ARK2N: variants seen among roughly 807,000 people sequenced by gnomAD.
ARK2N encodes protein ARK2N.
At chr18:46,179,519 T>C in the ARK2N span, among the ~76,000 whole-genome samples, 1 of 152,160 alleles carries the variant, frequency 6.6e-6, no homozygotes, top group Admixed American at 6.6e-5. Context: ...AGAAGTGGGA[T>C]TGATGTTCAG....
chr18:46,177,769 T>C, the ARK2N span, among the ~76,000 whole-genome samples: 1 of 151,796 alleles, frequency 6.6e-6, no homozygotes, highest in Non-Finnish European at 1.5e-5. Flanking sequence ...CTTAGCTGGG[T>C]GGGGTGGTAT....
the ARK2N span, among the ~76,000 whole-genome samples, chr18:46,255,394 TTTTC>T: frequency 2.0e-5 from 3 of 151,548 alleles, no homozygotes; most frequent in Non-Finnish European, 4.4e-5. Context: ...CTGCTTCAGT[TTTTC>T]TTTTTCTTTT....
At chr18:46,194,936 G>A in the ARK2N span, among the ~76,000 whole-genome samples, 16 of 151,482 alleles carry the variant, frequency 1.1e-4, no homozygotes, top group Non-Finnish European at 1.9e-4. Flanking sequence ...GAGTACCTGG[G>A]ACTACAGGTG....
the ARK2N span, among the ~76,000 whole-genome samples, chr18:46,193,888 G>A: frequency 5.3e-5 from 8 of 152,002 alleles, no homozygotes; most frequent in East Asian, 1.9e-4. Flanking sequence ...CGTGAGCCAC[G>A]GTGCGGGTCC....
chr18:46,188,958 T>G, the ARK2N span, among the ~76,000 whole-genome samples: 1 of 152,134 alleles, frequency 6.6e-6, no homozygotes, highest in Admixed American at 6.5e-5. Flanking sequence ...CTCACGCCTG[T>G]AATCCCAACA....
the ARK2N span, among the ~76,000 whole-genome samples, chr18:46,248,142 A>G: frequency 6.6e-6 from 1 of 152,200 alleles, no homozygotes; most frequent in Non-Finnish European, 1.5e-5. Flanking sequence ...TGAAACGGTA[A>G]CCTCCTGGAA....
At chr18:46,263,100 G>A in the ARK2N span, 1 of 1,612,476 alleles carries the variant, frequency 6.2e-7, no homozygotes, top group South Asian at 1.1e-5. Flanking sequence ...AGGATAGCAG[G>A]CGTAAATACC....
At chr18:46,186,978 C>T in the ARK2N span, among the ~76,000 whole-genome samples, 1 of 151,594 alleles carries the variant, frequency 6.6e-6, no homozygotes, top group Admixed American at 6.6e-5. Flanking sequence ...TCTCAGCCTC[C>T]CGAGTTGCTG....
At chr18:46,248,264 A>G in the ARK2N span, among the ~76,000 whole-genome samples, 1 of 152,178 alleles carries the variant, frequency 6.6e-6, no homozygotes, top group Non-Finnish European at 1.5e-5. Flanking sequence ...ACTGCAGGGG[A>G]GACAACGTCT....
chr18:46,203,722 G>A, the ARK2N span, among the ~76,000 whole-genome samples: 654 of 152,192 alleles, frequency 4.3e-3, 5 homozygotes, highest in African/African-American at 0.015. Flanking sequence ...GAGTAGCTGG[G>A]ATTATAGGCA....
the ARK2N span, among the ~76,000 whole-genome samples, chr18:46,220,499 A>C: frequency 6.6e-6 from 1 of 152,218 alleles, no homozygotes; most frequent in Non-Finnish European, 1.5e-5. Context: ...TCTTTGTAGA[A>C]ATTTTTGAAA....
chr18:46,241,903 G>A, the ARK2N span, among the ~76,000 whole-genome samples: 2 of 151,698 alleles, frequency 1.3e-5, no homozygotes, highest in Non-Finnish European at 2.9e-5. Flanking sequence ...TGCAACCTCC[G>A]CCTCCTGGGT....
At chr18:46,221,391 C>CAA in the ARK2N span, among the ~76,000 whole-genome samples, 2 of 118,330 alleles carry the variant, frequency 1.7e-5, no homozygotes, top group African/African-American at 3.1e-5. Context: ...ACTAAAAATA[C>CAA]AAAAAAAAAA....
chr18:46,194,585 T>G, the ARK2N span, among the ~76,000 whole-genome samples: 1 of 151,446 alleles, frequency 6.6e-6, no homozygotes, highest in Non-Finnish European at 1.5e-5. Flanking sequence ...TGATTTCTCC[T>G]GCCTCAGTCT....
the ARK2N span, chr18:46,228,969 T>G: frequency 2.1e-4 from 82 of 392,414 alleles, no homozygotes; most frequent in African/African-American, 1.6e-3. Flanking sequence ...TCTACAAAAT[T>G]TTGAGGAAAG....
the ARK2N span, among the ~76,000 whole-genome samples, chr18:46,211,933 A>G: frequency 6.6e-6 from 1 of 152,038 alleles, no homozygotes; most frequent in Admixed American, 6.6e-5. Flanking sequence ...AGAAAAACCT[A>G]TTTTTTTCCC....
the ARK2N span, among the ~76,000 whole-genome samples, chr18:46,193,296 CT>C: frequency 0.018 from 2,654 of 150,164 alleles, 73 homozygotes; most frequent in African/African-American, 0.06. Flanking sequence ...CCCACCCCTG[CT>C]TTTTTTTTAG....
chr18:46,226,413 G>A, the ARK2N span, among the ~76,000 whole-genome samples: 686 of 152,286 alleles, frequency 4.5e-3, 7 homozygotes, highest in African/African-American at 0.015. Context: ...CTGTTGTAAA[G>A]GATACCTGTA....
chr18:46,240,363 T>A, the ARK2N span, among the ~76,000 whole-genome samples: 2 of 152,358 alleles, frequency 1.3e-5, no homozygotes, highest in South Asian at 4.1e-4. Context: ...GGATAGCTTG[T>A]CATTCATCTT....
Sources: gnomAD v4.1 joint callset for allele counts (sites outside exome capture counted in the v4.1 genomes callset) on GRCh38, gnomAD v4.1.1 for gene constraint, MANE v1.5 for transcripts, NCBI Gene and HGNC (gene_info 2026-07-23, HGNC 2026-07-21) for gene names.